FAM117A: variants seen among roughly 807,000 people sequenced by gnomAD.
The protein encoded by FAM117A is protein FAM117A.
Under a neutral mutation model 44.1 loss-of-function variants are expected in FAM117A, and 21 were observed. The observed-to-expected ratio is 0.48, with a 90% confidence interval of 0.34 to 0.69. The LOEUF is 0.69. FAM117A is among the 30% of genes least tolerant of loss of function. The pLI, the probability that FAM117A is intolerant of heterozygous loss-of-function variation, is 0.01. For missense variants in FAM117A, 498 were observed against 589.9 expected (o/e 0.84, Z 1.61); for synonymous variants, 220 against 238.3 (o/e 0.92, Z 0.71).
chr17:49,724,089 C>T (rs188162134), intron 2 of FAM117A, among the ~76,000 whole-genome samples: 2 of 152,232 alleles, frequency 1.3e-5, no homozygotes, highest in African/African-American at 4.8e-5. Flanking sequence ...CTTCCAAATG[C>T]CCATGTCTCT....
intron 1 of FAM117A, among the ~76,000 whole-genome samples, chr17:49,785,081 A>G (rs550918036): frequency 1.3e-5 from 2 of 152,362 alleles, no homozygotes; most frequent in African/African-American, 4.8e-5. Flanking sequence ...AACAATAGCC[A>G]TTTATTGAGC....
chr17:49,766,292 G>A (rs1040316827), upstream of FAM117A, among the ~76,000 whole-genome samples: 5 of 152,188 alleles, frequency 3.3e-5, no homozygotes, highest in Non-Finnish European at 7.3e-5. Flanking sequence ...CTCCAAAGAT[G>A]CAAATCTGAT....
chr17:49,782,190 A>G (rs940618498), intron 1 of FAM117A, among the ~76,000 whole-genome samples: 1 of 151,830 alleles, frequency 6.6e-6, no homozygotes. Flanking sequence ...CCTGGCTAAC[A>G]CAATGAAACC....
intron 1 of FAM117A, among the ~76,000 whole-genome samples, chr17:49,756,052 G>T (rs1368425986): frequency 6.6e-6 from 1 of 152,110 alleles, no homozygotes; most frequent in Non-Finnish European, 1.5e-5. Flanking sequence ...GGACTCAAGA[G>T]GTTTGAGAAA....
chr17:49,762,244 C>A (rs1209212792), intron 1 of FAM117A, among the ~76,000 whole-genome samples: 1 of 152,186 alleles, frequency 6.6e-6, no homozygotes, highest in African/African-American at 2.4e-5. Flanking sequence ...TTGTTTTCCA[C>A]TAAAAGTGAC....
At chr17:49,721,226 T>C (rs1210221684) in intron 3 of FAM117A, among the ~76,000 whole-genome samples, 1 of 152,226 alleles carries the variant, frequency 6.6e-6, no homozygotes, top group Admixed American at 6.5e-5. Context: ...CTACAGATTA[T>C]CATCAACAGT....
Position 49,774,202 on chromosome 17 carries a change from G to C in FAM117A, c.-621+14295C>G, listed in dbSNP as rs541646199. The stretch of plus-strand genomic sequence containing the variant: ...TCTCTGTTACCCAGGCTTAAGTGCA[G>C]AGGTGCAATCATAGCTCACTGCAGC... On this transcript the variant is annotated intron_variant, in intron 1 of 7. Coordinates refer to the FAM117A transcript ENST00000513602. Among the ~76,000 whole-genome samples the C allele has an allele frequency of 1.5e-4, 23 of 152,282 alleles. No individual in the cohort carries two copies. The East Asian group carries it at 4.4e-3, about 29-fold the overall frequency.
At chr17:49,782,923 A>G (rs1307644022) in intron 1 of FAM117A, among the ~76,000 whole-genome samples, 1 of 152,322 alleles carries the variant, frequency 6.6e-6, no homozygotes, top group African/African-American at 2.4e-5. Context: ...AATGCCTAGC[A>G]CCTATCAGGT....
chr17:49,764,040 C>G lies in FAM117A; in HGVS notation c.48G>C (p.Pro16=), dbSNP rs2073734966. Residue 16 remains proline, a synonymous_variant, in exon 1 of 8, where the codon CCG becomes CCC. Transcript: ENST00000240364. ...GGAGCCCCCCGGCCCCTCCGCGCCC[C>G]GGCCCCCAGGCACCTCCGCCTCTGC... ...AGGRGGGAWG[P]GRGGAGGLRR... 2 of 1,212,660 alleles carry G rather than the reference C, an allele frequency of 1.6e-6. No homozygotes were observed. The highest frequency in any genetic ancestry group is 2.1e-6 in the Non-Finnish European group (2 of 972,782). 75.1% of individuals were successfully genotyped at this position (1,212,660 alleles called of 1,614,324 possible).
chr17:49,788,758 C>G, upstream of FAM117A: 1 of 1,506,646 alleles, frequency 6.6e-7, no homozygotes, highest in Non-Finnish European at 9.0e-7. Flanking sequence ...GAGGCCGCCA[C>G]GGAGCCCGCC....
intron 7 of FAM117A, among the ~76,000 whole-genome samples, chr17:49,714,334 CTTT>C (rs541335118): frequency 4.3e-5 from 6 of 139,194 alleles, no homozygotes; most frequent in African/African-American, 2.6e-5. Flanking sequence ...CACCACCACT[CTTT>C]TTTTTTTTTT....
upstream of FAM117A, among the ~76,000 whole-genome samples, chr17:49,768,050 T>C (rs1016856299): frequency 6.6e-6 from 1 of 152,110 alleles, no homozygotes; most frequent in African/African-American, 2.4e-5. Flanking sequence ...CACAGCTAAA[T>C]GTCAGAAATA....
intron 4 of FAM117A, 181 bp from the exon 5 acceptor site, chr17:49,720,075 T>G: frequency 2.4e-6 from 2 of 817,510 alleles, no homozygotes; most frequent in Non-Finnish European, 3.7e-6. Context: ...AGTTTGAGCT[T>G]TGCAGAGTCT....
chr17:49,740,484 T>C (rs959100426), intron 1 of FAM117A, among the ~76,000 whole-genome samples: 22 of 152,276 alleles, frequency 1.4e-4, no homozygotes, highest in Admixed American at 6.5e-4. Flanking sequence ...CTTCTGACCT[T>C]GTGATCCGCC....
At chr17:49,716,002 C>T (rs912548580) in intron 7 of FAM117A, among the ~76,000 whole-genome samples, 163 bp downstream of exon 7, 2 of 152,182 alleles carry the variant, frequency 1.3e-5, no homozygotes, top group African/African-American at 2.4e-5. Context: ...GATTTAAGTG[C>T]TCAGAGTAGG....
At chr17:49,783,494 G>GCCT (rs1237867094) in intron 1 of FAM117A, among the ~76,000 whole-genome samples, 1 of 152,110 alleles carries the variant, frequency 6.6e-6, no homozygotes, top group Non-Finnish European at 1.5e-5. Context: ...GAGGCAGGGA[G>GCCT]CTGTGCCTGA....
At chr17:49,784,879 A>G (rs1422525176) in intron 1 of FAM117A, among the ~76,000 whole-genome samples, 2 of 152,222 alleles carry the variant, frequency 1.3e-5, no homozygotes, top group African/African-American at 4.8e-5. Flanking sequence ...GGTATAACTC[A>G]GTGCCTGGTA....
chr17:49,738,808 T>A (rs953348926), intron 1 of FAM117A, among the ~76,000 whole-genome samples: 4 of 152,202 alleles, frequency 2.6e-5, no homozygotes, highest in African/African-American at 4.8e-5. Context: ...GGACTTTTTT[T>A]AAAAATTAGA....
chr17:49,747,059 G>A (rs988327594), intron 1 of FAM117A: 2 of 151,774 alleles, frequency 1.3e-5, no homozygotes, highest in Non-Finnish European at 2.9e-5. Context: ...ACTATTAAAG[G>A]GTAAATAAGA....
Sources: gnomAD v4.1 joint callset for allele counts (sites outside exome capture counted in the v4.1 genomes callset) on GRCh38, gnomAD v4.1.1 for gene constraint, MANE v1.5 for transcripts, NCBI Gene and HGNC (gene_info 2026-07-23, HGNC 2026-07-21) for gene names.